The following IGSF11 variants were observed in gnomAD, a reference collection of about 807,000 sequenced individuals.
IGSF11 encodes immunoglobulin superfamily member 11.
In IGSF11, 22 loss-of-function variants were observed where a neutral mutation model predicts 41.0. The ratio of observed to expected loss-of-function variants is 0.54; its 90% CI spans 0.38 to 0.77. IGSF11 has a LOEUF of 0.77. IGSF11 is among the 30% of genes least tolerant of loss of function. The probability of loss-of-function intolerance (pLI) is 0.00; values close to 1 mark genes in which losing one functional copy is unlikely to be tolerated. For missense variants in IGSF11, 444 were observed against 530.8 expected (o/e 0.84, Z 1.61); for synonymous variants, 219 against 201.3 (o/e 1.09, Z -0.74).
chr3:118,921,394 T>C lies in IGSF11; in HGVS notation c.580+4707A>G, dbSNP rs1004477642. ...AAATCAAAATCTGAGTTTAGCAAGA[T>C]AGATTTTAAAAATAGAGGAAAGGCA... On this transcript the variant is annotated intron_variant, in intron 4 of 6. Coordinates refer to ENST00000393775, the MANE Select transcript of IGSF11 (RefSeq NM_001015887.3). Among the ~76,000 whole-genome samples, 53 of 152,244 alleles carry C rather than the reference T, an allele frequency of 3.5e-4. 2 individuals are homozygous for C. Among genetic ancestry groups the C allele is most frequent in the East Asian group, 7.7e-4 (4 of 5,188 alleles).
intron 5 of IGSF11, among the ~76,000 whole-genome samples, 176 bp from the exon 6 acceptor site, chr3:118,904,974 T>C (rs956365960): frequency 5.9e-5 from 9 of 152,206 alleles, no homozygotes; most frequent in African/African-American, 1.9e-4. Flanking sequence ...ATATTGTCAG[T>C]GGCTAGGACT....
intron 1 of IGSF11, among the ~76,000 whole-genome samples, chr3:119,028,593 T>C (rs2107728300): frequency 6.6e-6 from 1 of 151,360 alleles, no homozygotes; most frequent in East Asian, 1.9e-4. Context: ...CAGAATTCCT[T>C]AGGAAAAAAT....
intron 1 of IGSF11, among the ~76,000 whole-genome samples, chr3:119,044,454 G>A (rs890369395): frequency 6.6e-6 from 1 of 151,944 alleles, no homozygotes; most frequent in African/African-American, 2.4e-5. Context: ...GTATTCCTGA[G>A]GAAGAGAAAT....
chr3:118,963,325 A>G (rs1945466127), intron 1 of IGSF11, among the ~76,000 whole-genome samples: 1 of 152,218 alleles, frequency 6.6e-6, no homozygotes, highest in Admixed American at 6.5e-5. Context: ...CTGGACTTCA[A>G]TGGATTGTCT....
rs939392188 is a variant in IGSF11 at position 119,110,719 on chromosome 3, C to T, written c.-13-5514G>A. On this transcript the variant is annotated intron_variant, in intron 1 of 7. Coordinates refer to the IGSF11 transcript ENST00000425327. ...TTTACATTTTGGCATGATTTTGCAG[C>T]GGCTGGTACCAGTTGTTCCTTTCCA... Among the ~76,000 whole-genome samples, 114 of 152,100 alleles carry T rather than the reference C, an allele frequency of 7.5e-4. 1 individual carries two copies. The highest frequency in any genetic ancestry group is 3.2e-3 in the Admixed American group (49 of 15,286).
chr3:119,001,698 A>T (rs1344854636), intron 1 of IGSF11, among the ~76,000 whole-genome samples: 63 of 143,428 alleles, frequency 4.4e-4, no homozygotes, highest in Non-Finnish European at 7.4e-4. Flanking sequence ...TTCAATTCCC[A>T]TCTATGAGTG....
rs114248560 is a variant in IGSF11 at position 119,119,029 on chromosome 3, T to G, written c.-13-13824A>C. On this transcript the variant is annotated intron_variant, in intron 1 of 7. Transcript: ENST00000425327. Reference sequence around the variant, plus strand: ...ATTTTAGTCAAAGCCATTCAACAAGTCTCTAAAAGATTCCAAACTTTCCCA... The same window carrying G: ...ATTTTAGTCAAAGCCATTCAACAAGGCTCTAAAAGATTCCAAACTTTCCCA... Among the ~76,000 whole-genome samples, 718 of 152,266 alleles carry G rather than the reference T, an allele frequency of 4.7e-3. 13 individuals carry two copies. The highest frequency in any genetic ancestry group is 0.017 in the African/African-American group (687 of 41,542).
At chr3:119,001,487 ATACTTT>A (rs1194789238) in intron 1 of IGSF11, among the ~76,000 whole-genome samples, 1 of 110,998 alleles carries the variant, frequency 9.0e-6, no homozygotes, top group Non-Finnish European at 1.9e-5. Flanking sequence ...TTTTTTTATT[ATACTTT>A]AAGTTTTAGG....
intron 1 of IGSF11, among the ~76,000 whole-genome samples, chr3:119,067,030 G>A (rs1942253238): frequency 6.6e-6 from 1 of 151,982 alleles, no homozygotes; most frequent in East Asian, 1.9e-4. Flanking sequence ...GACCACATGT[G>A]GCCCGAGCAT....
intron 4 of IGSF11, among the ~76,000 whole-genome samples, chr3:118,907,075 C>T (rs1415197922): frequency 6.6e-6 from 1 of 152,038 alleles, no homozygotes. Context: ...CCTAACAGGA[C>T]AAGTAAAAAA....
chr3:119,046,403 GATGAAATGA>G (rs1210407349), intron 1 of IGSF11, among the ~76,000 whole-genome samples: 1 of 152,108 alleles, frequency 6.6e-6, no homozygotes, highest in Admixed American at 6.6e-5. Context: ...AGCAATGGAA[GATGAAATGA>G]ATGAAATGAA....
chr3:119,021,707 T>C (rs1427411431), intron 1 of IGSF11, among the ~76,000 whole-genome samples: 3 of 152,042 alleles, frequency 2.0e-5, no homozygotes, highest in African/African-American at 7.2e-5. Flanking sequence ...TAGGTTGAAA[T>C]ATGAAAGGTA....
intron 1 of IGSF11, among the ~76,000 whole-genome samples, chr3:118,999,705 A>G (rs1936620100): frequency 6.6e-6 from 1 of 152,220 alleles, no homozygotes; most frequent in East Asian, 1.9e-4. Flanking sequence ...ATCATATATT[A>G]AAATAAACTT....
chr3:119,142,001 C>T (rs1424633600), intron 1 of IGSF11, among the ~76,000 whole-genome samples: 1 of 151,966 alleles, frequency 6.6e-6, no homozygotes, highest in Non-Finnish European at 1.5e-5. Flanking sequence ...TCTGGCCGGG[C>T]GCGGTGGCTC....
chr3:118,902,992 G>A (rs926391460), intron 6 of IGSF11, 31 bp from the exon 7 acceptor site: 1 of 1,590,434 alleles, frequency 6.3e-7, no homozygotes, highest in South Asian at 1.1e-5. Flanking sequence ...TCGTTGTTAG[G>A]ATTTACTTCA....
At chr3:119,107,299 A>G (rs544000872), upstream of IGSF11, among the ~76,000 whole-genome samples, 1 of 152,336 alleles carries the variant, frequency 6.6e-6, no homozygotes, top group Admixed American at 6.5e-5. Context: ...GTGAGATGGT[A>G]TCTCATTGTG....
intron 1 of IGSF11, among the ~76,000 whole-genome samples, chr3:119,124,747 G>A (rs751776708): frequency 2.6e-5 from 4 of 152,080 alleles, no homozygotes; most frequent in Non-Finnish European, 5.9e-5. Flanking sequence ...GGCATAGAAA[G>A]TTCACTCAAA....
At chr3:119,004,144 T>A (rs1323029568) in intron 1 of IGSF11, among the ~76,000 whole-genome samples, 2 of 148,764 alleles carry the variant, frequency 1.3e-5, no homozygotes, top group African/African-American at 5.1e-5. Context: ...TTTCAGCTCC[T>A]GTTATTGGTC....
In IGSF11 at chr3:118,926,237, G is replaced by A. The variant is rs781435848; in HGVS notation, c.444C>T (p.His148=). Residue 148 remains histidine (H), a synonymous_variant, in exon 4 of 7, where the codon CAC becomes CAT. Coordinates refer to ENST00000393775, the MANE Select transcript of IGSF11 (RefSeq NM_001015887.3). The part of the protein sequence containing the change: ...LTVLVPPSAP[H]CQIQGSQDIG... ...TATCCTGGGATCCTTGGATTTGGCA[G>A]TGTGGGGCAGAAGGGGGAACTATAA... The A allele has an allele frequency of 4.4e-6, 7 of 1,598,782 alleles. No homozygotes were observed. Among genetic ancestry groups the A allele is most frequent in the Non-Finnish European group, 1.7e-6 (2 of 1,169,970 alleles).
Sources: allele counts gnomAD v4.1 joint callset (sites outside exome capture counted in the v4.1 genomes callset), GRCh38; gene constraint gnomAD v4.1.1; transcripts MANE v1.5; gene names NCBI Gene and HGNC (gene_info 2026-07-23, HGNC 2026-07-21).